The following ALDH3B2 variants were observed in gnomAD, a reference collection of about 807,000 sequenced individuals.
The protein encoded by ALDH3B2 is aldehyde dehydrogenase 3 family member B2.
ALDH3B2 carries 45 observed loss-of-function variants against 36.7 expected under a neutral mutation model. The observed-to-expected ratio is 1.23, with a 90% CI of 0.97 to 1.57. ALDH3B2 has a LOEUF of 1.57. Ranked by LOEUF, ALDH3B2 falls within the 40% of genes most tolerant of loss-of-function variation. ALDH3B2 has a pLI of 0.00. For synonymous variants in ALDH3B2, 217 were observed against 226.5 expected (o/e 0.96, Z 0.38); for missense variants, 464 against 513.3 (o/e 0.90, Z 0.93).
intron 7 of ALDH3B2, among the ~76,000 whole-genome samples, chr11:67,664,914 C>T (rs901845147): frequency 1.3e-5 from 2 of 152,178 alleles, no homozygotes; most frequent in Non-Finnish European, 2.9e-5. Context: ...TCATACGGCC[C>T]AGGAGACTGG....
chr11:67,663,565 G>T, intron 9 of ALDH3B2, 97 bp downstream of exon 9: 1 of 1,389,472 alleles, frequency 7.2e-7, no homozygotes, highest in Non-Finnish European at 9.9e-7. Flanking sequence ...GAGAGGCCCA[G>T]GGTGTGGATC....
chr11:67,664,417 G>C lies in ALDH3B2; in HGVS notation c.852C>G (p.Tyr284Ter), dbSNP rs1490215074. The C allele has an allele frequency of 5.0e-6, 8 of 1,614,018 alleles. No homozygotes were observed. Among genetic ancestry groups the C allele is most frequent in the Middle Eastern group, 1.6e-4 (1 of 6,082 alleles). ...CCACCTGGCTGCTGTTGGAGAAGGCGTACAGGGCCAGGGGCTTCTCCTGCC... is the reference window on the plus strand; with the variant it reads ...CCACCTGGCTGCTGTTGGAGAAGGCCTACAGGGCCAGGGGCTTCTCCTGCC... Residue 284 changes from tyrosine to a stop codon, truncating the protein, a stop_gained, in exon 8 of 10, where the codon TAC becomes TAG. Transcript: ENST00000349015. LOFTEE classifies it high-confidence loss of function.
rs531282637 is a variant in ALDH3B2 at position 67,668,729 on chromosome 11, C to G, written c.-244-1094G>C. On this transcript the variant is annotated intron_variant, in intron 1 of 9. Coordinates refer to ENST00000349015, the Ensembl canonical transcript of ALDH3B2. ...TGTGTGTCTTTGTGTGTATGGGTGTCTGTGTGTGTCTGTGTATGTATGGGT... is the reference window on the plus strand; with the variant it reads ...TGTGTGTCTTTGTGTGTATGGGTGTGTGTGTGTGTCTGTGTATGTATGGGT... Among the ~76,000 whole-genome samples, 37 of 139,088 alleles carry G rather than the reference C, an allele frequency of 2.7e-4. No individual in the cohort carries two copies. In the East Asian group the frequency reaches 8.1e-3, roughly 30 times the overall value. The allele number at this position is 139,088 out of a possible 152,430, so 91.2% of individuals were successfully genotyped here. A position where few individuals can be genotyped will look rare whatever the true frequency, so the allele number is the denominator to read the frequency against.
chr11:67,674,038 C>A (rs1249363101), intron 1 of ALDH3B2, among the ~76,000 whole-genome samples: 1 of 152,218 alleles, frequency 6.6e-6, no homozygotes, highest in Non-Finnish European at 1.5e-5. Flanking sequence ...TTCCAATCCC[C>A]GATTCTCCGG....
chr11:67,668,735 GTGTCTGTGTA>G (rs202018910), intron 1 of ALDH3B2, among the ~76,000 whole-genome samples: 39 of 146,412 alleles, frequency 2.7e-4, no homozygotes, highest in African/African-American at 8.8e-4. Flanking sequence ...GTGTCTGTGT[GTGTCTGTGTA>G]TGTATGGGTG....
chr11:67,662,941 C>A (rs969492455), exon 10 of ALDH3B2: 1 of 476,360 alleles, frequency 2.1e-6, no homozygotes. Context: ...CAACCCTGAC[C>A]GAGAGGGCAA....
chr11:67,664,937 G>A (rs1437359365), intron 7 of ALDH3B2, among the ~76,000 whole-genome samples: 1 of 152,216 alleles, frequency 6.6e-6, no homozygotes, highest in Non-Finnish European at 1.5e-5. Flanking sequence ...GCTCAGGATG[G>A]GGCCGTCAGA....
chr11:67,665,741 C>T (rs1855890742), intron 6 of ALDH3B2, 70 bp from the exon 7 acceptor site: 1 of 1,536,762 alleles, frequency 6.5e-7, no homozygotes, highest in African/African-American at 1.4e-5. Context: ...AGCCCAGAGC[C>T]TGCTCCTCCC....
exon 10 of ALDH3B2, chr11:67,662,858 C>G (rs192083830): frequency 3.8e-4 from 110 of 289,496 alleles, no homozygotes; most frequent in Non-Finnish European, 5.0e-4. Flanking sequence ...CTCAACCGTT[C>G]AGGGCTGATG....
At chr11:67,664,427 A>G (rs751555905) in exon 8 of ALDH3B2, 3 of 1,614,140 alleles carry the variant, frequency 1.9e-6, no homozygotes, top group Middle Eastern at 1.7e-4. Context: ...GTACAGGGCC[A>G]GGGGCTTCTC....
rs1305288786 is a variant in ALDH3B2, at chr11:67,669,888, G to A, written c.-244-2253C>T. ...TGTCTGTGTGTGTATGGGTGTCTGC[G>A]TATGGGTGTGTGTGTCCACGTGTGT... On this transcript the variant is annotated intron_variant, in intron 1 of 9. Coordinates refer to ENST00000349015, the Ensembl canonical transcript of ALDH3B2. Among the ~76,000 whole-genome samples, 7 of 144,480 alleles carry A rather than the reference G, an allele frequency of 4.8e-5. No homozygotes were observed. The East Asian group carries it at 1.1e-3, about 22-fold the overall frequency. The allele number at this position is 144,480 out of a possible 152,430, so 94.8% of individuals were successfully genotyped here.
chr11:67,675,083 A>G (rs541371091), upstream of ALDH3B2, among the ~76,000 whole-genome samples: 1 of 152,100 alleles, frequency 6.6e-6, no homozygotes, highest in Admixed American at 6.5e-5. Context: ...CTGTGGCTCT[A>G]TTTCCACTCT....
In ALDH3B2 at chr11:67,666,901, C is replaced by G; in HGVS notation, c.30+5G>C. On this transcript the variant is annotated splice_donor_5th_base_variant and intron_variant, in intron 3 of 9. Coordinates refer to ENST00000349015, the Ensembl canonical transcript of ALDH3B2. ...GCCCTCCTGCCGCCTGCCAGCAGGG[C>G]TCACCAGGTTCGTGGACCGTGGTTC... 1 of 1,614,222 alleles carries G rather than the reference C, an allele frequency of 6.2e-7. No homozygotes were observed. The highest frequency in any genetic ancestry group is 1.7e-5 in the Admixed American group (1 of 60,028).
At position 67,665,290 on chromosome 11, in the gene ALDH3B2, T is replaced by C. The variant is rs762089883; in HGVS notation, c.701A>G (p.Tyr234Cys). The C allele has an allele frequency of 4.4e-6, 7 of 1,605,006 alleles. No homozygotes were observed. In the East Asian group the frequency reaches 8.9e-5, roughly 20 times the overall value. Residue 234 changes from tyrosine (Y) to cysteine (C), a missense_variant, in exon 7 of 10, where the codon TAC becomes TGC. Transcript: ENST00000349015. ...GGTAGGGCAGCAGGACTCACCGATG[T>C]AGCGATCGCTCTCGTTGCTCTGGCC...
At chr11:67,679,784 C>T (rs1856337771) in intron 1 of ALDH3B2, among the ~76,000 whole-genome samples, 1 of 151,986 alleles carries the variant, frequency 6.6e-6, no homozygotes, top group Admixed American at 6.6e-5. Flanking sequence ...CCTATATGAC[C>T]AATCAAATCT....
chr11:67,672,102 T>TTGTG (rs71058721), intron 1 of ALDH3B2, among the ~76,000 whole-genome samples: 7 of 49,984 alleles, frequency 1.4e-4, no homozygotes, highest in African/African-American at 4.8e-4. Flanking sequence ...TGTATGTATT[T>TTGTG]TGTGTGTGTG....
At chr11:67,665,625 G>C (rs770700356) in exon 7 of ALDH3B2, 1 of 1,613,678 alleles carries the variant, frequency 6.2e-7, no homozygotes, top group South Asian at 1.1e-5. Context: ...CAGGCGTCAG[G>C]TGCTTGGTGG....
At chr11:67,678,022 G>A (rs188352210), upstream of ALDH3B2, among the ~76,000 whole-genome samples, 13 of 152,280 alleles carry the variant, frequency 8.5e-5, no homozygotes, top group East Asian at 2.3e-3. Flanking sequence ...AATCAGTATT[G>A]TGAAGATGGC....
chr11:67,662,939 A>G (rs1376636075), exon 10 of ALDH3B2: 3 of 472,436 alleles, frequency 6.4e-6, no homozygotes, highest in Non-Finnish European at 7.6e-6. Flanking sequence ...GCCAACCCTG[A>G]CCGAGAGGGC....
Sources: gnomAD v4.1 joint callset for allele counts (sites outside exome capture counted in the v4.1 genomes callset) on GRCh38, gnomAD v4.1.1 for gene constraint, MANE v1.5 for transcripts, NCBI Gene and HGNC (gene_info 2026-07-23, HGNC 2026-07-21) for gene names.